CCDC152: variants seen among roughly 807,000 people sequenced by gnomAD.
CCDC152 encodes coiled-coil domain-containing protein 152.
In CCDC152, 37 loss-of-function variants were observed where a neutral mutation model predicts 38.1. The ratio of observed to expected loss-of-function variants is 0.97; its 90% CI spans 0.75 to 1.28. The LOEUF is 1.28. CCDC152 is among the 50% of genes most tolerant of loss of function. CCDC152 has a pLI of 0.00. For missense variants in CCDC152, 259 were observed against 292.1 expected (o/e 0.89, Z 0.83); for synonymous variants, 83 against 87.1 (o/e 0.95, Z 0.26).
chr5:42,765,830 A>T (rs1369405276), intron 3 of CCDC152, among the ~76,000 whole-genome samples: 1 of 152,142 alleles, frequency 6.6e-6, no homozygotes, highest in East Asian at 1.9e-4. Flanking sequence ...CATCAGGGAG[A>T]TTCTCCAGGA....
chr5:42,776,035 A>T (rs1759764890), intron 4 of CCDC152, among the ~76,000 whole-genome samples: 2 of 152,094 alleles, frequency 1.3e-5, no homozygotes, highest in African/African-American at 4.8e-5. Flanking sequence ...CAAAAATAGG[A>T]TCAAAGAACA....
intron 1 of CCDC152, 23 bp downstream of exon 1, chr5:42,756,908 G>T (rs974637980): frequency 3.3e-5 from 5 of 152,760 alleles, no homozygotes; most frequent in African/African-American, 1.2e-4. Flanking sequence ...TTCTATTGAC[G>T]GTTCGAAATT....
chr5:42,768,149 G>A (rs1470554630), intron 3 of CCDC152, among the ~76,000 whole-genome samples: 1 of 152,176 alleles, frequency 6.6e-6, no homozygotes, highest in Admixed American at 6.5e-5. Context: ...ACTGAGTGCA[G>A]AATCTCTAAT....
intron 5 of CCDC152, among the ~76,000 whole-genome samples, chr5:42,780,810 A>G (rs924701260): frequency 2.6e-5 from 4 of 152,214 alleles, no homozygotes; most frequent in Admixed American, 1.3e-4. Context: ...TGCAACTTGT[A>G]TAGAGAGAAT....
chr5:42,791,953 G>T (rs1301973235), intron 6 of CCDC152, among the ~76,000 whole-genome samples: 1 of 152,122 alleles, frequency 6.6e-6, no homozygotes, highest in Non-Finnish European at 1.5e-5. Context: ...GCCAAGTTAT[G>T]GTGCATCTTG....
In CCDC152 at chr5:42,783,476, A is replaced by C; in HGVS notation, c.330A>C (p.Glu110Asp). The C allele has an allele frequency of 8.2e-7, 1 of 1,225,278 alleles. No homozygotes were observed. 75.9% of individuals were successfully genotyped at this position (1,225,278 alleles called of 1,614,324 possible). A position where few individuals can be genotyped will look rare whatever the true frequency, so the allele number is the denominator to read the frequency against. Residue 110 changes from glutamate to aspartate, a missense_variant and splice_region_variant, in exon 6 of 9, where the codon GAA (glutamate) becomes GAC (aspartate). By Grantham distance (45) the Glu-to-Asp change is conservative. Transcript: ENST00000361970. ...TTAATATATATTTTAATCTTTAGGA[A>C]TATAAGAATAATATTGCCAAACTTG... ...IKEKLKSHEQ[E>D]YKNNIAKLVS...
chr5:42,780,094 G>T (rs1290817346), intron 5 of CCDC152, among the ~76,000 whole-genome samples: 1 of 152,110 alleles, frequency 6.6e-6, no homozygotes, highest in Non-Finnish European at 1.5e-5. Context: ...CTAAATAAAT[G>T]TCAGTTCCCT....
chr5:42,768,134 A>G (rs1240616807), intron 3 of CCDC152, among the ~76,000 whole-genome samples: 1 of 152,194 alleles, frequency 6.6e-6, no homozygotes. Context: ...GAAAAAGTAC[A>G]TGAGACTGAG....
intron 4 of CCDC152, among the ~76,000 whole-genome samples, chr5:42,774,840 C>T (rs528450139): frequency 3.9e-5 from 6 of 151,982 alleles, no homozygotes; most frequent in African/African-American, 1.4e-4. Flanking sequence ...ATTATTAGAC[C>T]AGAAATTTTA....
intron 6 of CCDC152, among the ~76,000 whole-genome samples, chr5:42,790,988 C>T (rs1426838770): frequency 6.6e-6 from 1 of 152,152 alleles, no homozygotes; most frequent in Non-Finnish European, 1.5e-5. Context: ...TGTAGCAACT[C>T]TTCTGTGGTT....
At chr5:42,786,166 G>T (rs1759919150) in intron 6 of CCDC152, among the ~76,000 whole-genome samples, 2 of 151,908 alleles carry the variant, frequency 1.3e-5, no homozygotes, top group South Asian at 4.2e-4. Flanking sequence ...TCAATTTTTT[G>T]GAATAGTTTC....
At chr5:42,782,806 C>G (rs1759864037) in intron 5 of CCDC152, among the ~76,000 whole-genome samples, 1 of 144,106 alleles carries the variant, frequency 6.9e-6, no homozygotes, top group Admixed American at 7.4e-5. Context: ...ACAATGTATA[C>G]ATATATTAAA....
intron 2 of CCDC152, 105 bp downstream of exon 2, chr5:42,759,313 GATA>G: frequency 1.7e-6 from 1 of 593,856 alleles, no homozygotes. Flanking sequence ...AAATGATCAA[GATA>G]ATAATATTAT....
chr5:42,783,957 G>A (rs1317861065), intron 6 of CCDC152, among the ~76,000 whole-genome samples: 1 of 152,128 alleles, frequency 6.6e-6, no homozygotes, highest in Non-Finnish European at 1.5e-5. Flanking sequence ...ATTTCATGGT[G>A]TATATATACC....
chr5:42,790,592 A>G (rs1759985730), intron 6 of CCDC152, among the ~76,000 whole-genome samples: 1 of 152,190 alleles, frequency 6.6e-6, no homozygotes, highest in Non-Finnish European at 1.5e-5. Flanking sequence ...TGTGAGGGTA[A>G]ATGGGAAGGG....
chr5:42,794,907 T>C (rs1760054108), intron 6 of CCDC152, among the ~76,000 whole-genome samples: 1 of 152,064 alleles, frequency 6.6e-6, no homozygotes, highest in Non-Finnish European at 1.5e-5. Context: ...AATAAAAGAA[T>C]ATTTATCAAG....
rs78583849 is a variant in CCDC152 at position 42,768,735 on chromosome 5, T to C, written c.194-862T>C. Among the ~76,000 whole-genome samples, 316 of 152,314 alleles carry C rather than the reference T, an allele frequency of 2.1e-3. 3 individuals are homozygous for C. Among genetic ancestry groups the C allele is most frequent in the African/African-American group, 7.3e-3 (303 of 41,576 alleles). ...TACCACACAATTGTACCACACATTG[T>C]CTTATACCAAAACAATATAATTTGA... On this transcript the variant is annotated intron_variant, in intron 3 of 8. Transcript: ENST00000361970.
chr5:42,774,372 T>C (rs1387001427), intron 4 of CCDC152, among the ~76,000 whole-genome samples: 1 of 152,214 alleles, frequency 6.6e-6, no homozygotes, highest in Admixed American at 6.5e-5. Context: ...TCCCTCATGT[T>C]GTTGGCTGGA....
At chr5:42,779,593 A>AAG (rs1759815279) in intron 5 of CCDC152, 71 bp downstream of exon 5, 8 of 919,162 alleles carry the variant, frequency 8.7e-6, no homozygotes, top group Non-Finnish European at 1.3e-5. Flanking sequence ...GGAAAAAAAA[A>AAG]GAGGTTTTTA....
Sources: gnomAD v4.1 joint callset for allele counts (sites outside exome capture counted in the v4.1 genomes callset) on GRCh38, gnomAD v4.1.1 for gene constraint, MANE v1.5 for transcripts, NCBI Gene and HGNC (gene_info 2026-07-23, HGNC 2026-07-21) for gene names.